CFAP20: variants seen among roughly 807,000 people sequenced by gnomAD.
CFAP20 encodes cilia and flagella associated protein 20.
In CFAP20, 14 loss-of-function variants were observed where a neutral mutation model predicts 25.5. The observed-to-expected ratio is 0.55, with a 90% CI of 0.36 to 0.86. CFAP20 has a LOEUF of 0.86. CFAP20 is among the 40% of genes least tolerant of loss of function. The pLI is 0.01. For missense variants in CFAP20, 181 were observed against 248.0 expected, an observed-to-expected ratio of 0.73 and a Z score of 1.81; for synonymous variants, 75 against 91.1, an observed-to-expected ratio of 0.82 and a Z score of 1.01.
At chr16:58,118,681 G>A (rs138155286) in intron 1 of CFAP20, among the ~76,000 whole-genome samples, 8 of 151,790 alleles carry the variant, frequency 5.3e-5, no homozygotes, top group East Asian at 3.9e-4. Context: ...AATTAGCCAG[G>A]TGTAGTGGCA....
intron 1 of CFAP20, among the ~76,000 whole-genome samples, chr16:58,119,676 T>C (rs1002719547): frequency 2.6e-5 from 4 of 152,246 alleles, no homozygotes; most frequent in African/African-American, 9.6e-5. Context: ...AATGCCCTCC[T>C]GCTTTGAATT....
At chr16:58,127,448 G>A (rs570739283) in intron 1 of CFAP20, among the ~76,000 whole-genome samples, 1 of 152,250 alleles carries the variant, frequency 6.6e-6, no homozygotes, top group East Asian at 1.9e-4. Context: ...AATTCCACTG[G>A]CACAGAGGGC....
chr16:58,123,678 C>T (rs1183057894), intron 1 of CFAP20, among the ~76,000 whole-genome samples: 1 of 146,410 alleles, frequency 6.8e-6, no homozygotes, highest in Non-Finnish European at 1.5e-5. Flanking sequence ...GGAACAGAAC[C>T]TCCTGGTATT....
chr16:58,114,126 G>T, intron 5 of CFAP20, 96 bp from the exon 6 acceptor site: 1 of 1,299,060 alleles, frequency 7.7e-7, no homozygotes, highest in Non-Finnish European at 1.1e-6. Context: ...CACTTGAGTG[G>T]ACAGTGACTG....
rs773775681 is a variant in CFAP20, at chr16:58,115,261, A to G, written c.465+8T>C. ...AACCCAGGGCTCTATCTGGGAAAGG[A>G]GCAGTACCTGCACTCTGAGGGTCTC... On this transcript the variant is annotated splice_region_variant and intron_variant, in intron 4 of 5. Coordinates refer to ENST00000262498, the MANE Select transcript of CFAP20 (RefSeq NM_013242.3). 6.2e-6 allele frequency: 10 copies of G among 1,614,098 alleles called. No individual in the cohort carries two copies. The highest frequency in any genetic ancestry group is 1.1e-5 in the South Asian group (1 of 91,064).
chr16:58,129,196 ACAGCAG>A lies in CFAP20; in HGVS notation c.-87_-82del. 1 of 1,471,092 alleles carries A rather than the reference ACAGCAG, an allele frequency of 6.8e-7. No homozygotes were observed. The highest frequency in any genetic ancestry group is 9.3e-7 in the Non-Finnish European group (1 of 1,070,002). 91.1% of individuals were successfully genotyped at this position (1,471,092 alleles called of 1,614,324 possible). ...GATACAGGCACCGAGCGTCGAGGGCACAGCAGCAGGCCGGCCCTGTTCCGAAGAAGG... is the reference window on the plus strand; with the variant it reads ...GATACAGGCACCGAGCGTCGAGGGCACAGGCCGGCCCTGTTCCGAAGAAGG... On this transcript the variant is annotated 5_prime_UTR_variant, in exon 1 of 6. Coordinates refer to ENST00000262498, the MANE Select transcript of CFAP20 (RefSeq NM_013242.3).
At chr16:58,115,017 C>T (rs959665441) in intron 4 of CFAP20, 97 bp from the exon 5 acceptor site, 5 of 1,101,698 alleles carry the variant, frequency 4.5e-6, no homozygotes, top group Non-Finnish European at 6.7e-6. Flanking sequence ...GGAAACGCGT[C>T]ATCTCCGGCA....
intron 1 of CFAP20, among the ~76,000 whole-genome samples, chr16:58,127,126 G>A (rs1281726027): frequency 6.6e-6 from 1 of 152,076 alleles, no homozygotes; most frequent in South Asian, 2.1e-4. Flanking sequence ...GGTACCATCC[G>A]ACCTCTAGTG....
intron 2 of CFAP20, 39 bp downstream of exon 2, chr16:58,116,833 G>C: frequency 6.4e-7 from 1 of 1,562,792 alleles, no homozygotes; most frequent in Non-Finnish European, 8.8e-7. Flanking sequence ...TGCCTCCCTA[G>C]TATATGATGT....
chr16:58,114,848 C>T lies in CFAP20; in HGVS notation c.538G>A (p.Glu180Lys). ...TGAACTGGGAGATACAGTTTGAACT[C>T]TGCCGGCAGCTCATCTTCTGAGTAG... ...RLYSEDELPA[E>K]FKLYLPVQNK... The change falls in exon 5 of 6, where the codon GAG (glutamate) becomes AAG (lysine). Residue 180 changes from glutamate to lysine, a missense_variant. By Grantham distance (56) the Glu-to-Lys change is moderately conservative (BLOSUM62 1). Coordinates refer to ENST00000262498, the MANE Select transcript of CFAP20 (RefSeq NM_013242.3). The T allele has an allele frequency of 6.2e-7, 1 of 1,614,112 alleles. No homozygotes were observed. The highest frequency in any genetic ancestry group is 8.5e-7 in the Non-Finnish European group (1 of 1,179,992).
intron 1 of CFAP20, among the ~76,000 whole-genome samples, chr16:58,121,054 T>C (rs1160685490): frequency 2.6e-5 from 4 of 152,168 alleles, no homozygotes; most frequent in Non-Finnish European, 5.9e-5. Context: ...GTAAGGGCGA[T>C]CAATCAGATA....
chr16:58,115,269 C>A lies in CFAP20; in HGVS notation c.465G>T (p.Gln155His). The change falls in exon 4 of 6, where the codon CAG (glutamine) becomes CAT (histidine). Residue 155 changes from glutamine to histidine, a missense_variant and splice_region_variant. Gln to His is a conservative substitution (Grantham distance 24). Coordinates refer to ENST00000262498, the MANE Select transcript of CFAP20 (RefSeq NM_013242.3). ...GTNYIETLRV[Q>H]IHANCRIRRV... ...GCTCTATCTGGGAAAGGAGCAGTAC[C>A]TGCACTCTGAGGGTCTCGATGTAAT... The A allele has an allele frequency of 6.2e-7, 1 of 1,614,172 alleles. No individual in the cohort carries two copies. The highest frequency in any genetic ancestry group is 8.5e-7 in the Non-Finnish European group (1 of 1,180,034).
At chr16:58,119,716 A>G (rs1960506812) in intron 1 of CFAP20, among the ~76,000 whole-genome samples, 2 of 152,306 alleles carry the variant, frequency 1.3e-5, no homozygotes, top group East Asian at 1.9e-4. Flanking sequence ...GATTAAGAGC[A>G]CAAAGGCCTG....
intron 1 of CFAP20, 149 bp from the exon 2 acceptor site, chr16:58,117,100 C>T: frequency 1.6e-6 from 1 of 642,528 alleles, no homozygotes; most frequent in Non-Finnish European, 2.7e-6. Context: ...AAGCTATTAC[C>T]TCTAGACAGG....
chr16:58,116,776 C>A (rs1014564416), intron 2 of CFAP20, 96 bp downstream of exon 2: 22 of 1,121,456 alleles, frequency 2.0e-5, no homozygotes, highest in Non-Finnish European at 2.7e-5. Context: ...AGACTCACAT[C>A]CGGCACTCTG....
intron 1 of CFAP20, among the ~76,000 whole-genome samples, chr16:58,118,490 CA>C (rs200079741): frequency 3.5e-5 from 4 of 115,060 alleles, no homozygotes; most frequent in Non-Finnish European, 3.5e-5. Flanking sequence ...GACCCTATCT[CA>C]AAAAAAACAA....
At chr16:58,115,122 T>C (rs1011832025) in intron 4 of CFAP20, 147 bp downstream of exon 4, 8 of 1,202,312 alleles carry the variant, frequency 6.7e-6, no homozygotes, top group African/African-American at 3.0e-5. Context: ...GAATATTTCC[T>C]GGACCTTTGT....
chr16:58,115,344 G>C lies in CFAP20; in HGVS notation c.390C>G (p.Asn130Lys). The change falls in exon 4 of 6, where the codon AAC becomes AAG. Residue 130 changes from asparagine (N) to lysine (K), a missense_variant. Asn to Lys is a moderately conservative substitution (Grantham distance 94). Coordinates refer to ENST00000262498, the MANE Select transcript of CFAP20 (RefSeq NM_013242.3). ...TMPMRLDDGW[N>K]QIQFNLLDFT... ...AGTCTAGCAAGTTGAACTGAATCTG[G>C]TTCCAGCCGTCATCCAGCCGCATGG... is the stretch of plus-strand genomic sequence containing the variant. The C allele has an allele frequency of 6.2e-7, 1 of 1,614,240 alleles. No homozygotes were observed. The highest frequency in any genetic ancestry group is 8.5e-7 in the Non-Finnish European group (1 of 1,180,038).
intron 1 of CFAP20, among the ~76,000 whole-genome samples, chr16:58,126,417 C>T (rs1488731216): frequency 6.6e-6 from 1 of 152,196 alleles, no homozygotes; most frequent in Non-Finnish European, 1.5e-5. Flanking sequence ...TTCACTGGTA[C>T]TGTGAATACA....
Sources: allele counts gnomAD v4.1 joint callset (sites outside exome capture counted in the v4.1 genomes callset), GRCh38; gene constraint gnomAD v4.1.1; transcripts MANE v1.5; gene names NCBI Gene and HGNC (gene_info 2026-07-23, HGNC 2026-07-21).